Variants in CCDC148 observed in about 807,000 individuals in gnomAD.
The protein encoded by CCDC148 is coiled-coil domain-containing protein 148.
In CCDC148, 89 loss-of-function variants were observed where a neutral mutation model predicts 85.7. That is an observed-to-expected ratio of 1.04 (90% CI 0.87 to 1.24). The LOEUF is 1.24. CCDC148 is among the 50% of genes most tolerant of loss of function. The pLI, the probability that CCDC148 is intolerant of heterozygous loss-of-function variation, is 0.00. For missense variants in CCDC148, 692 were observed against 671.7 expected, an observed-to-expected ratio of 1.03 and a Z score of -0.33; for synonymous variants, 230 against 213.9, an observed-to-expected ratio of 1.08 and a Z score of -0.66.
Position 158,250,818 on chromosome 2 carries a change from A to G in CCDC148, c.1205T>C (p.Leu402Pro). The G allele has an allele frequency of 6.3e-7, 1 of 1,597,174 alleles. No individual in the cohort carries two copies. The highest frequency in any genetic ancestry group is 8.5e-7 in the Non-Finnish European group (1 of 1,173,740). ...RREKEEEKEK[L>P]WKKKELLQRA... ...TTGCAACAATTCCTTCTTCTTCCAC[A>G]GTTTCTCTTTCTCCTCTTCCTTTTC... The change falls in exon 10 of 14, where the codon CTG (leucine) becomes CCG (proline). Residue 402 changes from leucine (L) to proline (P), a missense_variant. Physicochemically the swap from Leu to Pro is moderately conservative, Grantham distance 98 (BLOSUM62 -3). Transcript: ENST00000283233.
intron 1 of CCDC148, among the ~76,000 whole-genome samples, chr2:158,444,200 C>A (rs1290808894): frequency 6.6e-6 from 1 of 150,620 alleles, no homozygotes; most frequent in East Asian, 1.9e-4. Context: ...CATGCATACA[C>A]ACACATATAT....
intron 10 of CCDC148, among the ~76,000 whole-genome samples, chr2:158,244,182 T>G (rs1403094301): frequency 1.3e-5 from 2 of 152,198 alleles, no homozygotes; most frequent in South Asian, 2.1e-4. Context: ...TTCCCACTTA[T>G]GAATTCCAAA....
chr2:158,306,195 T>C (rs903793372), intron 9 of CCDC148, among the ~76,000 whole-genome samples: 1 of 152,120 alleles, frequency 6.6e-6, no homozygotes, highest in Non-Finnish European at 1.5e-5. Flanking sequence ...TTATACACCA[T>C]GCATTTTCAA....
intron 1 of CCDC148, among the ~76,000 whole-genome samples, chr2:158,415,474 C>T (rs1686456803): frequency 1.3e-5 from 2 of 152,106 alleles, no homozygotes; most frequent in South Asian, 4.1e-4. Context: ...TCCCCTGGCC[C>T]CTCCCAAATC....
chr2:158,429,403 A>AGATAGATG (rs35486131), intron 1 of CCDC148, among the ~76,000 whole-genome samples: 1 of 152,076 alleles, frequency 6.6e-6, no homozygotes, highest in South Asian at 2.1e-4. Context: ...ATAGATAGAT[A>AGATAGATG]GGAATACTTA....
rs115150563 is a variant in CCDC148, at chr2:158,287,150, C to T, written c.1110+22283G>A. ...CATCACGAGAATAGCACAGGAAAGA[C>T]CTGCCCCATGATTGAATTACCTCCT... On this transcript the variant is annotated intron_variant, in intron 9 of 13. Transcript: ENST00000283233. Among the ~76,000 whole-genome samples the T allele has an allele frequency of 9.6e-3, 1,459 of 152,234 alleles. 18 individuals carry two copies. Among genetic ancestry groups the T allele is most frequent in the African/African-American group, 0.033 (1,351 of 41,542 alleles).
At chr2:158,207,440 A>T (rs1686308816) in intron 11 of CCDC148, 1 of 152,236 alleles carries the variant, frequency 6.6e-6, no homozygotes, top group Non-Finnish European at 1.5e-5. Context: ...TTTCACAATT[A>T]ACCCCAAAGA....
chr2:158,433,091 A>AATATAT (rs1553521584), intron 1 of CCDC148, among the ~76,000 whole-genome samples: 77 of 51,300 alleles, frequency 1.5e-3, no homozygotes, highest in South Asian at 2.0e-3. Context: ...AAAAAAAAAA[A>AATATAT]ATATATATAT....
At chr2:158,319,956 CTCTATGTTTTAAA>C (rs1008208115) in intron 7 of CCDC148, among the ~76,000 whole-genome samples, 14 of 152,142 alleles carry the variant, frequency 9.2e-5, no homozygotes, top group African/African-American at 3.4e-4. Flanking sequence ...ACATTATTTG[CTCTATGTTTTAAA>C]TCCTTATATT....
At chr2:158,400,447 AAGAAAGGG>A (rs1685729522) in intron 1 of CCDC148, among the ~76,000 whole-genome samples, 1 of 152,212 alleles carries the variant, frequency 6.6e-6, no homozygotes. Flanking sequence ...TGACAAAAAC[AAGAAAGGG>A]AGAAAGGATC....
In CCDC148 at chr2:158,172,275, T is replaced by C; in HGVS notation, c.1630-16A>G. On this transcript the variant is annotated splice_polypyrimidine_tract_variant and intron_variant, in intron 13 of 13. Coordinates refer to ENST00000283233, the MANE Select transcript of CCDC148 (RefSeq NM_138803.4). ...CAGAAATTATCTGTAGAAATAAAAA[T>C]ACAATTTAAATAACAATTCATTGAA... 6.4e-7 allele frequency: 1 copy of C among 1,569,388 alleles called. No individual in the cohort carries two copies. Among genetic ancestry groups the C allele is most frequent in the Non-Finnish European group, 8.7e-7 (1 of 1,155,156 alleles).
Position 158,250,793 on chromosome 2 carries a change from T to C in CCDC148, c.1230A>G (p.Gln410=). 1 of 1,587,292 alleles carries C rather than the reference T, an allele frequency of 6.3e-7. No individual in the cohort carries two copies. The highest frequency in any genetic ancestry group is 1.4e-5 in the African/African-American group (1 of 74,012). ...EKLWKKKELL[Q]RAEKKKKIKK... The stretch of plus-strand genomic sequence containing the variant: ...TTACTTTTTTTTTCTTCTCTGCTCT[T>C]TGCAACAATTCCTTCTTCTTCCACA... Residue 410 remains glutamine (Q), a synonymous_variant, in exon 10 of 14, where the codon CAA becomes CAG. Coordinates refer to ENST00000283233, the MANE Select transcript of CCDC148 (RefSeq NM_138803.4).
chr2:158,389,313 A>G (rs193007627), intron 1 of CCDC148, among the ~76,000 whole-genome samples: 8,787 of 152,296 alleles, frequency 0.058, 486 homozygotes, highest in African/African-American at 0.15. Flanking sequence ...GGTTTTAACC[A>G]GGACTCCTTT....
chr2:158,324,459 G>A (rs897540444), intron 7 of CCDC148, among the ~76,000 whole-genome samples: 8 of 152,036 alleles, frequency 5.3e-5, no homozygotes, highest in African/African-American at 1.9e-4. Context: ...TATCATACTT[G>A]ATGAAGCTCA....
At position 158,337,276 on chromosome 2, in the gene CCDC148, G is replaced by A. The variant is rs546275981; in HGVS notation, c.764+1450C>T. Among the ~76,000 whole-genome samples the A allele has an allele frequency of 1.2e-4, 18 of 152,220 alleles. No individual in the cohort carries two copies. The East Asian group carries it at 3.1e-3, about 26-fold the overall frequency. ...GATAAGGAATCATCTGGGAGAGGAG[G>A]TACTGGGCCAGCCAACTTGCTTTAA... On this transcript the variant is annotated intron_variant, in intron 7 of 13. Coordinates refer to ENST00000283233, the MANE Select transcript of CCDC148 (RefSeq NM_138803.4).
intron 7 of CCDC148, among the ~76,000 whole-genome samples, chr2:158,319,390 T>C (rs1325778750): frequency 6.6e-6 from 1 of 152,220 alleles, no homozygotes; most frequent in Non-Finnish European, 1.5e-5. Context: ...AAAGATCGAA[T>C]TCTGGCCAAT....
chr2:158,229,332 T>A (rs1332720029), intron 10 of CCDC148, among the ~76,000 whole-genome samples: 1 of 152,198 alleles, frequency 6.6e-6, no homozygotes, highest in Non-Finnish European at 1.5e-5. Context: ...CTAATTAATA[T>A]ACTTTTCTTC....
Position 158,273,865 on chromosome 2 carries a change from C to T in CCDC148, c.1111-22953G>A, listed in dbSNP as rs1303218696. The stretch of plus-strand genomic sequence containing the variant: ...ACCTTGCTACACTGTGCCTCCCCCA[C>T]CCAACCAAAAAAAAATATTACAAGT... On this transcript the variant is annotated intron_variant, in intron 9 of 13. Coordinates refer to ENST00000283233, the MANE Select transcript of CCDC148 (RefSeq NM_138803.4). Among the ~76,000 whole-genome samples the T allele has an allele frequency of 2.6e-5, 4 of 152,126 alleles. No individual in the cohort carries two copies. In the South Asian group the frequency reaches 8.3e-4, roughly 32 times the overall value.
intron 8 of CCDC148, among the ~76,000 whole-genome samples, chr2:158,311,492 C>T (rs980473484): frequency 3.3e-5 from 5 of 151,720 alleles, no homozygotes; most frequent in Non-Finnish European, 5.9e-5. Flanking sequence ...AGGGGGAGAC[C>T]GTGGAAAGCG....
Sources: gnomAD v4.1 joint callset for allele counts (sites outside exome capture counted in the v4.1 genomes callset) on GRCh38, gnomAD v4.1.1 for gene constraint, MANE v1.5 for transcripts, NCBI Gene and HGNC (gene_info 2026-07-23, HGNC 2026-07-21) for gene names.